TNKS2: variants seen among roughly 807,000 people sequenced by gnomAD.
The protein encoded by TNKS2 is tankyrase 2, also known as poly [ADP-ribose] polymerase tankyrase-2.
In TNKS2, 72 loss-of-function variants were observed where a neutral mutation model predicts 137.6. That is an observed-to-expected ratio of 0.52 (90% confidence interval 0.43 to 0.64). The LOEUF (loss-of-function observed/expected upper bound fraction) is 0.64, where lower values mean the gene tolerates loss of function less well. TNKS2 is among the 30% of genes least tolerant of loss of function. The probability of loss-of-function intolerance (pLI) is 0.00; values close to 1 mark genes in which losing one functional copy is unlikely to be tolerated. For synonymous variants in TNKS2, 516 were observed against 512.1 expected (o/e 1.01, Z -0.10); for missense variants, 1,049 against 1,410.2 (o/e 0.74, Z 4.10).
intron 2 of TNKS2, among the ~76,000 whole-genome samples, chr10:91,814,557 C>T (rs992384216): frequency 6.6e-6 from 1 of 152,186 alleles, no homozygotes. Flanking sequence ...CTCACTGACT[C>T]ACTCAGGGAA....
intron 1 of TNKS2, among the ~76,000 whole-genome samples, chr10:91,805,736 T>C (rs1307782666): frequency 6.6e-6 from 1 of 152,242 alleles, no homozygotes; most frequent in Non-Finnish European, 1.5e-5. Flanking sequence ...CTAAAATGCT[T>C]GGGTACATCA....
intron 2 of TNKS2, among the ~76,000 whole-genome samples, chr10:91,815,159 A>G (rs1021137726): frequency 6.6e-6 from 1 of 152,210 alleles, no homozygotes; most frequent in African/African-American, 2.4e-5. Context: ...TAAAACAGGG[A>G]CAGTTGAAAT....
At position 91,819,463 on chromosome 10, in the gene TNKS2, T is replaced by TA; in HGVS notation, c.558-18dup. 2 of 1,562,414 alleles carry TA rather than the reference T, an allele frequency of 1.3e-6. No individual in the cohort carries two copies. The highest frequency in any genetic ancestry group is 4.6e-5 in the East Asian group (2 of 43,014). On this transcript the variant is annotated intron_variant, in intron 4 of 26. Transcript: ENST00000371627. ...TCTGATGAAGAATGCAAATTACTAATACTTTTTTTGTATTCTAGGAGTGGC... is the reference window on the plus strand; with the variant it reads ...TCTGATGAAGAATGCAAATTACTAATAACTTTTTTTGTATTCTAGGAGTGGC...
chr10:91,854,727 A>G (rs576169348), intron 21 of TNKS2, among the ~76,000 whole-genome samples: 1 of 152,052 alleles, frequency 6.6e-6, no homozygotes, highest in East Asian at 1.9e-4. Context: ...AACATGGAGA[A>G]ACTCCGTCTC....
At chr10:91,807,177 A>G (rs1844348776) in intron 1 of TNKS2, 2 of 1,603,738 alleles carry the variant, frequency 1.2e-6, no homozygotes, top group Non-Finnish European at 1.7e-6. Context: ...ATTTCAAACC[A>G]TTCACTCAGT....
rs1274641142 is a variant in TNKS2, at chr10:91,841,417, G to A, written c.1808G>A (p.Gly603Glu). ...CCTTTACATGAAGCAGCAGCAAAAG[G>A]AAAATATGAAATTTGCAAACTTCTG... ...FTPLHEAAAKGKYEICKLLLQ... is the reference protein window; with the variant it reads ...FTPLHEAAAKEKYEICKLLLQ... Residue 603 changes from glycine to glutamate, a missense_variant, in exon 15 of 27, where the codon GGA (glycine) becomes GAA (glutamate). Physicochemically the swap from Gly to Glu is moderately conservative, Grantham distance 98. Around this residue, in one of 6 missense-constraint regions of TNKS2, gnomAD observed 328 missense variants for 436.0 expected, o/e 0.75. Transcript: ENST00000371627. The A allele has an allele frequency of 1.2e-6, 2 of 1,607,360 alleles. No individual in the cohort carries two copies. Among genetic ancestry groups the A allele is most frequent in the East Asian group, 2.2e-5 (1 of 44,496 alleles).
intron 8 of TNKS2, 29 bp downstream of exon 8, chr10:91,827,232 A>G (rs753529668): frequency 3.5e-6 from 5 of 1,437,936 alleles, no homozygotes; most frequent in Non-Finnish European, 4.6e-6. Context: ...ATGTTCAGGT[A>G]GGATATTATA....
intron 1 of TNKS2, among the ~76,000 whole-genome samples, chr10:91,805,606 A>G (rs913807209): frequency 8.5e-5 from 13 of 152,062 alleles, no homozygotes; most frequent in African/African-American, 3.1e-4. Context: ...ACAGCTAGTT[A>G]TTTTACTCCA....
chr10:91,800,765 T>C (rs1177940659), intron 1 of TNKS2, among the ~76,000 whole-genome samples: 3 of 152,196 alleles, frequency 2.0e-5, no homozygotes, highest in Non-Finnish European at 2.9e-5. Flanking sequence ...TTCAATCATA[T>C]AAGAAACTTT....
chr10:91,812,673 T>G, intron 1 of TNKS2: 1 of 609,830 alleles, frequency 1.6e-6, no homozygotes, highest in Non-Finnish European at 2.1e-6. Flanking sequence ...CAGAACTCTA[T>G]TGTAGAGTGA....
At position 91,810,898 on chromosome 10, in the gene TNKS2, T is replaced by TTTTCTTTCC. The variant is rs1315382005; in HGVS notation, c.200-2077_200-2076insCTTTCTTTC. Reference sequence around the variant, plus strand: ...CATTTGTTTATTCTTTTCTTTTTTCTTTTCTTTCTCTCTTTTCTTTTCTTT... The same window carrying TTTTCTTTCC: ...CATTTGTTTATTCTTTTCTTTTTTCTTTTCTTTCCTTTCTTTCTCTCTTTTCTTTTCTTT... On this transcript the variant is annotated intron_variant, in intron 1 of 26. Transcript: ENST00000371627. 1.4e-4 allele frequency among the ~76,000 whole-genome samples: 19 copies of TTTTCTTTCC among 139,436 alleles called. 1 individual carries two copies. Among genetic ancestry groups the TTTTCTTTCC allele is most frequent in the African/African-American group, 5.0e-4 (19 of 37,670 alleles). 91.5% of individuals were successfully genotyped at this position (139,436 alleles called of 152,430 possible). A position where few individuals can be genotyped will look rare whatever the true frequency, so the allele number is the denominator to read the frequency against.
rs998204480 is a variant in TNKS2 at position 91,833,797 on chromosome 10, G to A, written c.1276-56G>A. The A allele has an allele frequency of 7.2e-6, 10 of 1,388,542 alleles. No homozygotes were observed. In the African/African-American group the frequency reaches 1.0e-4, roughly 14 times the overall value. 86.0% of individuals were successfully genotyped at this position (1,388,542 alleles called of 1,614,324 possible). A position where few individuals can be genotyped will look rare whatever the true frequency, so the allele number is the denominator to read the frequency against. On this transcript the variant is annotated intron_variant, in intron 11 of 26. Transcript: ENST00000371627. Reference sequence around the variant, plus strand: ...AGTAAAAAGTGTTAAATACATGATTGTATGGTTTTAAATTTTGCATTGCGG... The same window carrying A: ...AGTAAAAAGTGTTAAATACATGATTATATGGTTTTAAATTTTGCATTGCGG...
intron 12 of TNKS2, among the ~76,000 whole-genome samples, chr10:91,835,649 T>C (rs934497008): frequency 4.8e-5 from 7 of 145,132 alleles, no homozygotes; most frequent in African/African-American, 1.8e-4. Flanking sequence ...ATTTTTGAGA[T>C]GGAGTTTCAC....
intron 2 of TNKS2, among the ~76,000 whole-genome samples, chr10:91,814,166 T>TA (rs1318949906): frequency 6.6e-6 from 1 of 152,056 alleles, no homozygotes; most frequent in African/African-American, 2.4e-5. Context: ...TGGGAGAAGA[T>TA]ATGGAGGTGG....
At chr10:91,804,906 G>A (rs1003052369) in intron 1 of TNKS2, among the ~76,000 whole-genome samples, 1 of 152,064 alleles carries the variant, frequency 6.6e-6, no homozygotes, top group South Asian at 2.1e-4. Context: ...TGGGATTACA[G>A]GTATGTACCA....
At chr10:91,849,219 C>CT (rs1008707180) in intron 19 of TNKS2, among the ~76,000 whole-genome samples, 1 of 152,170 alleles carries the variant, frequency 6.6e-6, no homozygotes, top group Non-Finnish European at 1.5e-5. Context: ...TTTTCATAAA[C>CT]TTTTTTGTGA....
chr10:91,813,192 A>C lies in TNKS2; in HGVS notation c.409A>C (p.Ile137Leu). 1.2e-6 allele frequency: 2 copies of C among 1,614,014 alleles called. No homozygotes were observed. Among genetic ancestry groups the C allele is most frequent in the Non-Finnish European group, 1.7e-6 (2 of 1,179,926 alleles). The change falls in exon 2 of 27, where the codon ATT becomes CTT. Residue 137 changes from isoleucine (I) to leucine (L), a missense_variant. Coordinates refer to ENST00000371627, the MANE Select transcript of TNKS2 (RefSeq NM_025235.4). ...PLHEAAIKGK[I>L]DVCIVLLQHG... ...CCATGAAGCTGCAATTAAAGGAAAG[A>C]TTGATGTTTGCATTGGTAAGACTGT...
chr10:91,822,625 G>C (rs1844928817), intron 7 of TNKS2, among the ~76,000 whole-genome samples: 1 of 151,706 alleles, frequency 6.6e-6, no homozygotes, highest in Non-Finnish European at 1.5e-5. Context: ...GAGTGCAGTG[G>C]TGCAATCTTG....
intron 24 of TNKS2, among the ~76,000 whole-genome samples, chr10:91,858,730 C>T (rs1842777964): frequency 2.0e-5 from 3 of 152,114 alleles, no homozygotes; most frequent in South Asian, 2.1e-4. Flanking sequence ...AAAGTTGGGC[C>T]GGGTGCGGTG....
Sources: gnomAD v4.1 joint callset for allele counts (sites outside exome capture counted in the v4.1 genomes callset) on GRCh38, gnomAD v4.1.1 for gene constraint, gnomAD v4.1.1 regional missense constraint, MANE v1.5 for transcripts, NCBI Gene and HGNC (gene_info 2026-07-23, HGNC 2026-07-21) for gene names.